ABHD17C: variants seen among roughly 807,000 people sequenced by gnomAD.
ABHD17C encodes the protein alpha/beta hydrolase domain-containing protein 17C.
Under a neutral mutation model 27.9 loss-of-function variants are expected in ABHD17C, and 11 were observed. That is an observed-to-expected ratio of 0.39 (90% CI 0.25 to 0.65). ABHD17C has a LOEUF of 0.65. Ranked by LOEUF, ABHD17C falls within the 30% of genes least tolerant of loss-of-function variation. The pLI is 0.45. For synonymous variants in ABHD17C, 233 were observed against 209.1 expected (o/e 1.11, Z -0.98); for missense variants, 280 against 470.2 (o/e 0.60, Z 3.74).
chr15:80,744,534 A>C (rs1030468428), intron 1 of ABHD17C, among the ~76,000 whole-genome samples: 1 of 152,346 alleles, frequency 6.6e-6, no homozygotes, highest in South Asian at 2.1e-4. Flanking sequence ...AGGAAAAAGC[A>C]ATGGCAAAGT....
chr15:80,695,959 A>G lies in ABHD17C; in HGVS notation c.530A>G (p.Lys177Arg), dbSNP rs1894488454. The part of the protein sequence containing the change: ...DYSGYGVSSG[K>R]PSEKNLYADI... The stretch of plus-strand genomic sequence containing the variant: ...TCGGGATACGGCGTCAGCTCGGGCA[A>G]GCCCTCCGAGAAGAACCTCTACGCC... The change falls in exon 1 of 3, where the codon AAG (lysine) becomes AGG (arginine). Residue 177 changes from lysine to arginine, a missense_variant. Lys to Arg is a conservative substitution (Grantham distance 26). This residue lies in a region of ABHD17C where 206 missense variants were observed against 394.7 expected (regional missense o/e 0.52). Coordinates refer to ENST00000258884, the MANE Select transcript of ABHD17C (RefSeq NM_021214.2). The surrounding 1 kb of genome is among the most constrained non-coding windows in gnomAD (Gnocchi z 4.3). 2 of 1,593,978 alleles carry G rather than the reference A, an allele frequency of 1.3e-6. No individual in the cohort carries two copies. Among genetic ancestry groups the G allele is most frequent in the African/African-American group, 1.3e-5 (1 of 74,966 alleles).
intron 1 of ABHD17C, among the ~76,000 whole-genome samples, chr15:80,699,898 C>T (rs1028980685): frequency 6.6e-6 from 1 of 152,082 alleles, no homozygotes; most frequent in African/African-American, 2.4e-5. Flanking sequence ...TGATGGAGAG[C>T]CCCAAGATCA....
intron 2 of ABHD17C, among the ~76,000 whole-genome samples, chr15:80,750,794 A>G (rs1895355895): frequency 6.6e-6 from 1 of 152,104 alleles, no homozygotes; most frequent in Non-Finnish European, 1.5e-5. Context: ...TGAATTGGTA[A>G]TGAGAGGCCA....
intron 1 of ABHD17C, among the ~76,000 whole-genome samples, chr15:80,737,586 G>T (rs1383895844): frequency 6.6e-6 from 1 of 152,188 alleles, no homozygotes; most frequent in Non-Finnish European, 1.5e-5. Context: ...CATCGTCATT[G>T]TAAGTGTAGG....
intron 1 of ABHD17C, among the ~76,000 whole-genome samples, chr15:80,738,657 C>G (rs1195180803): frequency 6.6e-6 from 1 of 152,192 alleles, no homozygotes; most frequent in Non-Finnish European, 1.5e-5. Flanking sequence ...TCCTAGTTCC[C>G]AAGCCCATGA....
intron 1 of ABHD17C, among the ~76,000 whole-genome samples, chr15:80,737,405 G>T (rs1004023446): frequency 6.6e-6 from 1 of 152,166 alleles, no homozygotes; most frequent in African/African-American, 2.4e-5. Context: ...TATGTCCACT[G>T]GAATGATGAC....
chr15:80,735,938 C>G (rs539333134), intron 1 of ABHD17C, among the ~76,000 whole-genome samples: 2 of 152,168 alleles, frequency 1.3e-5, no homozygotes, highest in African/African-American at 4.8e-5. Context: ...GGGACTGAGC[C>G]TACTTTTAAT....
intron 1 of ABHD17C, among the ~76,000 whole-genome samples, chr15:80,711,583 T>C (rs1352209367): frequency 2.6e-5 from 4 of 152,206 alleles, no homozygotes; most frequent in Non-Finnish European, 4.4e-5. Flanking sequence ...TGTGGACTAG[T>C]GTTTCTTGAT....
chr15:80,727,000 A>T (rs537285708), intron 1 of ABHD17C, among the ~76,000 whole-genome samples: 18 of 152,144 alleles, frequency 1.2e-4, no homozygotes, highest in Non-Finnish European at 1.8e-4. Context: ...CTGGGAGTTG[A>T]AATAAGTTCT....
At chr15:80,715,349 T>C (rs1894789815) in intron 1 of ABHD17C, among the ~76,000 whole-genome samples, 2 of 152,224 alleles carry the variant, frequency 1.3e-5, no homozygotes, top group Non-Finnish European at 1.5e-5. Flanking sequence ...TGGATAACTG[T>C]AGGTGGGCCT....
intron 1 of ABHD17C, among the ~76,000 whole-genome samples, chr15:80,727,068 A>G (rs1407774621): frequency 6.6e-6 from 1 of 152,244 alleles, no homozygotes; most frequent in Non-Finnish European, 1.5e-5. Flanking sequence ...GGAGAAAGAA[A>G]GGTTTAACTT....
chr15:80,736,842 A>G (rs549271854), intron 1 of ABHD17C, among the ~76,000 whole-genome samples: 2 of 152,328 alleles, frequency 1.3e-5, no homozygotes, highest in South Asian at 4.1e-4. Context: ...ATGGTTGTAG[A>G]AGGAAAAGCA....
intron 1 of ABHD17C, among the ~76,000 whole-genome samples, chr15:80,723,959 T>C (rs530777907): frequency 3.0e-4 from 45 of 152,192 alleles, no homozygotes; most frequent in African/African-American, 1.1e-3. Flanking sequence ...TTCCAGCACT[T>C]TGGGAGGCTG....
chr15:80,752,332 A>G (rs1376432842), intron 2 of ABHD17C, among the ~76,000 whole-genome samples: 1 of 152,206 alleles, frequency 6.6e-6, no homozygotes, highest in Non-Finnish European at 1.5e-5. Flanking sequence ...ATGGCTGATG[A>G]GGTTTTGCAA....
intron 1 of ABHD17C, among the ~76,000 whole-genome samples, chr15:80,706,370 C>A (rs148166110): frequency 2.0e-5 from 3 of 152,294 alleles, no homozygotes; most frequent in Admixed American, 6.5e-5. Flanking sequence ...AACGGTTGTA[C>A]GTCAATTACT....
At chr15:80,700,815 C>T (rs962314575) in intron 1 of ABHD17C, among the ~76,000 whole-genome samples, 11 of 152,094 alleles carry the variant, frequency 7.2e-5, no homozygotes, top group African/African-American at 1.9e-4. Flanking sequence ...GTGGGAGGAT[C>T]GTCTGAGCCC....
At chr15:80,719,218 G>T (rs1324935253) in intron 1 of ABHD17C, among the ~76,000 whole-genome samples, 1 of 152,172 alleles carries the variant, frequency 6.6e-6, no homozygotes, top group Non-Finnish European at 1.5e-5. Context: ...TAATAACCAG[G>T]AACAACTTTA....
chr15:80,706,397 G>C (rs1023926616), intron 1 of ABHD17C, among the ~76,000 whole-genome samples: 1 of 152,182 alleles, frequency 6.6e-6, no homozygotes, highest in African/African-American at 2.4e-5. Flanking sequence ...ATTGCTGAGA[G>C]GAGCCTAACC....
Position 80,737,009 on chromosome 15 carries a change from G to A in ABHD17C, c.591-12504G>A, listed in dbSNP as rs143815859. 5.0e-4 allele frequency among the ~76,000 whole-genome samples: 76 copies of A among 152,252 alleles called. 1 individual carries two copies. The Middle Eastern group carries it at 0.014, about 27-fold the overall frequency. The stretch of plus-strand genomic sequence containing the variant: ...GATGGCTGCCAAACCCTCGGTTTCA[G>A]GGTGCTCTTGGGGGCATGTCCCATT... On this transcript the variant is annotated intron_variant, in intron 1 of 2. Transcript: ENST00000258884.
Sources: allele counts gnomAD v4.1 joint callset (sites outside exome capture counted in the v4.1 genomes callset), GRCh38; gene constraint gnomAD v4.1.1; regional missense constraint gnomAD v4.1.1; non-coding constraint Gnocchi (gnomAD v3.1); transcripts MANE v1.5; gene names NCBI Gene and HGNC (gene_info 2026-07-23, HGNC 2026-07-21).